The following IQCH variants were observed in gnomAD, a reference collection of about 807,000 sequenced individuals.
IQCH encodes IQ motif containing H.
In IQCH, 98 loss-of-function variants were observed where a neutral mutation model predicts 117.0. The ratio of observed to expected loss-of-function variants is 0.84; its 90% CI spans 0.71 to 0.99. The LOEUF (loss-of-function observed/expected upper bound fraction) is 0.99. Ranked by LOEUF, IQCH falls within the 50% of genes least tolerant of loss-of-function variation. The pLI, the probability that IQCH is intolerant of heterozygous loss-of-function variation, is 0.00. For synonymous variants in IQCH, 412 were observed against 448.2 expected, an observed-to-expected ratio of 0.92 and a Z score of 1.02; for missense variants, 1,102 against 1,243.8, an observed-to-expected ratio of 0.89 and a Z score of 1.72.
At chr15:67,293,616 G>A (rs1012306977) in intron 4 of IQCH, among the ~76,000 whole-genome samples, 3 of 151,148 alleles carry the variant, frequency 2.0e-5, no homozygotes, top group South Asian at 2.1e-4. Flanking sequence ...CGAATTCACC[G>A]TTGATTGAAT....
intron 1 of IQCH, among the ~76,000 whole-genome samples, chr15:67,257,175 C>G (rs1487367191): frequency 1.3e-5 from 2 of 152,194 alleles, no homozygotes; most frequent in African/African-American, 4.8e-5. Context: ...CTCTCTGGAC[C>G]TCACTTTCCT....
chr15:67,378,406 A>G lies in IQCH; in HGVS notation c.1372+4973A>G, dbSNP rs945089363. ...ATAAAATCTTTGCAGTCTTCAACAT[A>G]TATTTTGGCAAGTAGTATAGAATCC... is the stretch of plus-strand genomic sequence containing the variant. On this transcript the variant is annotated intron_variant, in intron 10 of 20. Coordinates refer to ENST00000335894, the MANE Select transcript of IQCH (RefSeq NM_001031715.3). Among the ~76,000 whole-genome samples, 7 of 150,306 alleles carry G rather than the reference A, an allele frequency of 4.7e-5. No homozygotes were observed. In the Admixed American group the frequency reaches 4.7e-4, roughly 10 times the overall value.
intron 3 of IQCH, among the ~76,000 whole-genome samples, chr15:67,273,885 C>T (rs1447989416): frequency 6.6e-6 from 1 of 152,152 alleles, no homozygotes; most frequent in Non-Finnish European, 1.5e-5. Context: ...AGCTTTTGTC[C>T]GTCTGGGAAA....
Position 67,390,259 on chromosome 15 carries a change from A to G in IQCH, c.1632+1253A>G, listed in dbSNP as rs1293054024. Among the ~76,000 whole-genome samples, 2 of 152,166 alleles carry G rather than the reference A, an allele frequency of 1.3e-5. No individual in the cohort carries two copies. Among genetic ancestry groups the G allele is most frequent in the African/African-American group, 2.4e-5 (1 of 41,430 alleles). ...GCTTGGCCTCAATGACATAGTTACT[A>G]TGGACATTAGGGTGCAAGGAAGAAA... On this transcript the variant is annotated intron_variant, in intron 12 of 20. Coordinates refer to ENST00000335894, the MANE Select transcript of IQCH (RefSeq NM_001031715.3). This position sits in a 1 kb window ranked among gnomAD's most constrained non-coding sequence, Gnocchi z 5.0.
chr15:67,255,012 G>T, intron 1 of IQCH, 65 bp downstream of exon 1: 3 of 1,499,088 alleles, frequency 2.0e-6, no homozygotes, highest in Admixed American at 3.5e-5. Flanking sequence ...GAGGTCCCGC[G>T]CGCCGATTCA....
At chr15:67,446,606 G>A (rs555905165) in intron 16 of IQCH, among the ~76,000 whole-genome samples, 2 of 152,234 alleles carry the variant, frequency 1.3e-5, no homozygotes, top group African/African-American at 4.8e-5. Context: ...CAGGTCAGCC[G>A]GGATGTAGAA....
rs1370771259 is a variant in IQCH, at chr15:67,369,196, T to A, written c.754-2915T>A. 6.6e-6 allele frequency among the ~76,000 whole-genome samples: 1 copy of A among 152,240 alleles called. No individual in the cohort carries two copies. The highest frequency in any genetic ancestry group is 1.5e-5 in the Non-Finnish European group (1 of 68,046). On this transcript the variant is annotated intron_variant, in intron 8 of 20. Transcript: ENST00000335894. The surrounding 1 kb of genome is among the most constrained non-coding windows in gnomAD (Gnocchi z 5.2). ...GCCTAAATAACTGCTCCAGAAACTC[T>A]CAAAGTTATCTAATTAGCGATTACA... is the stretch of plus-strand genomic sequence containing the variant.
chr15:67,282,095 G>C (rs1966383769), intron 4 of IQCH: 1 of 159,836 alleles, frequency 6.3e-6, no homozygotes, highest in Non-Finnish European at 1.4e-5. Flanking sequence ...CCATCAATAA[G>C]ATACCACCAG....
At position 67,465,168 on chromosome 15, in the gene IQCH, G is replaced by A; in HGVS notation, c.2547G>A (p.Leu849=). The A allele has an allele frequency of 6.2e-7, 1 of 1,614,176 alleles. No individual in the cohort carries two copies. The highest frequency in any genetic ancestry group is 8.5e-7 in the Non-Finnish European group (1 of 1,180,020). The part of the protein sequence containing the change: ...TGLNLAYSDQ[L]ALTQLTLYLT... Reference sequence around the variant, plus strand: ...TTAACCTCGCATATAGTGACCAGCTGGCCCTGACTCAACTCACCTTATACC... The same window carrying A: ...TTAACCTCGCATATAGTGACCAGCTAGCCCTGACTCAACTCACCTTATACC... Residue 849 remains leucine (L), a synonymous_variant, in exon 17 of 21, where the codon CTG becomes CTA. Transcript: ENST00000335894. This position sits in a 1 kb window ranked among gnomAD's most constrained non-coding sequence, Gnocchi z 5.9.
Position 67,501,549 on chromosome 15 carries a change from C to G in IQCH, c.*803C>G, listed in dbSNP as rs764593339. 3 of 152,188 alleles carry G rather than the reference C, an allele frequency of 2.0e-5. No homozygotes were observed. The highest frequency in any genetic ancestry group is 4.4e-5 in the Non-Finnish European group (3 of 68,032). The allele number at this position is 152,188 out of a possible 1,614,324, so 9.4% of individuals were successfully genotyped here. On this transcript the variant is annotated 3_prime_UTR_variant, in exon 21 of 21. Coordinates refer to ENST00000335894, the MANE Select transcript of IQCH (RefSeq NM_001031715.3). The surrounding 1 kb of genome is among the most constrained non-coding windows in gnomAD (Gnocchi z 5.2). ...TGTTAAGATTGTAGTAGTGCTGACT[C>G]TAACTTTCAGCATTCACTTCATAAT...
intron 16 of IQCH, among the ~76,000 whole-genome samples, chr15:67,438,936 T>C (rs189640461): frequency 1.3e-5 from 2 of 152,294 alleles, no homozygotes; most frequent in East Asian, 1.9e-4. Context: ...AGAAATAAGA[T>C]AGACAGCAAA....
At chr15:67,347,743 G>GATAC (rs1969462631) in intron 6 of IQCH, among the ~76,000 whole-genome samples, 1 of 149,676 alleles carries the variant, frequency 6.7e-6, no homozygotes, top group East Asian at 1.9e-4. Flanking sequence ...TATTCTTTAT[G>GATAC]AAAATAGATA....
rs542251668 is a variant in IQCH at position 67,365,099 on chromosome 15, G to T, written c.753+5214G>T. Among the ~76,000 whole-genome samples the T allele has an allele frequency of 4.6e-5, 7 of 152,100 alleles. No individual in the cohort carries two copies. In the South Asian group the frequency reaches 1.5e-3, roughly 32 times the overall value. ...TGGGACTACAGGCATATGCCACCAC[G>T]CCCAGCTAATTTTTCTGGCATTTCT... is the stretch of plus-strand genomic sequence containing the variant. On this transcript the variant is annotated intron_variant, in intron 8 of 20. Coordinates refer to ENST00000335894, the MANE Select transcript of IQCH (RefSeq NM_001031715.3). This position sits in a 1 kb window ranked among gnomAD's most constrained non-coding sequence, Gnocchi z 4.4.
Position 67,500,048 on chromosome 15 carries a change from T to C in IQCH, c.2971-585T>C, listed in dbSNP as rs2083937712. Among the ~76,000 whole-genome samples the C allele has an allele frequency of 6.6e-6, 1 of 152,204 alleles. No homozygotes were observed. Among genetic ancestry groups the C allele is most frequent in the Admixed American group, 6.5e-5 (1 of 15,282 alleles). ...ATGTTCTGGAATTATATAGTAGCGA[T>C]GGTTACTTGCAAATATACTAAAAAC... On this transcript the variant is annotated intron_variant, in intron 20 of 20. Transcript: ENST00000335894. The surrounding 1 kb of genome is among the most constrained non-coding windows in gnomAD (Gnocchi z 4.4).
intron 16 of IQCH, among the ~76,000 whole-genome samples, chr15:67,446,621 T>G (rs575999422): frequency 6.6e-6 from 1 of 152,298 alleles, no homozygotes; most frequent in South Asian, 2.1e-4. Context: ...GTAGAACATT[T>G]ACTCAGGTGG....
chr15:67,469,014 T>C (rs2083003670), intron 17 of IQCH, among the ~76,000 whole-genome samples: 1 of 152,198 alleles, frequency 6.6e-6, no homozygotes, highest in Non-Finnish European at 1.5e-5. Context: ...AATTATATTA[T>C]CCAGTGAAAA....
chr15:67,300,669 G>A (rs1175111234), intron 4 of IQCH, among the ~76,000 whole-genome samples: 1 of 152,126 alleles, frequency 6.6e-6, no homozygotes, highest in African/African-American at 2.4e-5. Context: ...AACTTTGTTT[G>A]TGAAGCATTT....
chr15:67,396,731 T>C (rs1328499818), intron 13 of IQCH, among the ~76,000 whole-genome samples: 1 of 152,158 alleles, frequency 6.6e-6, no homozygotes, highest in Non-Finnish European at 1.5e-5. Flanking sequence ...GGACAATATT[T>C]AGGGATCCCC....
chr15:67,396,178 A>G (rs956219501), intron 13 of IQCH, among the ~76,000 whole-genome samples: 1 of 152,152 alleles, frequency 6.6e-6, no homozygotes, highest in African/African-American at 2.4e-5. Flanking sequence ...ATAGGATCCT[A>G]AGAAATAGGA....
Sources: gnomAD v4.1 joint callset for allele counts (sites outside exome capture counted in the v4.1 genomes callset) on GRCh38, gnomAD v4.1.1 for gene constraint, Gnocchi (gnomAD v3.1) non-coding constraint, MANE v1.5 for transcripts, NCBI Gene and HGNC (gene_info 2026-07-23, HGNC 2026-07-21) for gene names.